INPP4A: variants seen among roughly 807,000 people sequenced by gnomAD.
INPP4A encodes inositol polyphosphate-4-phosphatase type I A.
In INPP4A, 33 loss-of-function variants were observed where a neutral mutation model predicts 119.8. The ratio of observed to expected loss-of-function variants is 0.28; its 90% CI spans 0.21 to 0.37. The LOEUF is 0.37. INPP4A is among the 10% of genes least tolerant of loss of function. INPP4A has a pLI of 1.00. For missense variants in INPP4A, 956 were observed against 1,289.9 expected (o/e 0.74, Z 3.97); for synonymous variants, 496 against 500.7 (o/e 0.99, Z 0.12).
At chr2:98,560,727 T>C (rs146887840) in intron 17 of INPP4A, among the ~76,000 whole-genome samples, 92 of 152,350 alleles carry the variant, frequency 6.0e-4, no homozygotes, top group Non-Finnish European at 1.1e-3. Context: ...CTGAGCTGGC[T>C]GTCGCCTGAG....
At chr2:98,537,144 G>A (rs1405736594) in intron 7 of INPP4A, among the ~76,000 whole-genome samples, 1 of 152,216 alleles carries the variant, frequency 6.6e-6, no homozygotes, top group Non-Finnish European at 1.5e-5. Context: ...TCACAGGCAC[G>A]AGGACAGGGC....
chr2:98,586,643 C>G (rs2106565708), intron 24 of INPP4A, among the ~76,000 whole-genome samples: 1 of 152,342 alleles, frequency 6.6e-6, no homozygotes, highest in Non-Finnish European at 1.5e-5. Flanking sequence ...TGCTCATCCT[C>G]CCATGCAGTG....
chr2:98,537,023 G>A (rs1690418813), intron 7 of INPP4A, among the ~76,000 whole-genome samples: 1 of 152,226 alleles, frequency 6.6e-6, no homozygotes, highest in Non-Finnish European at 1.5e-5. Flanking sequence ...GTTACGTCAT[G>A]TGTCAGAGTT....
rs1195286693 is a variant in INPP4A at position 98,526,070 on chromosome 2, GAATA to G, written c.151+5347_151+5350del. On this transcript the variant is annotated intron_variant, in intron 4 of 24. Coordinates refer to ENST00000409851, the MANE Select transcript of INPP4A (RefSeq NM_001134225.2). ...ACAACCCAAATGTCTATTAACAGTA[GAATA>G]AATAAATTGTACAATGGAATATGAC... Among the ~76,000 whole-genome samples the G allele has an allele frequency of 3.3e-5, 5 of 152,126 alleles. No individual in the cohort carries two copies. The East Asian group carries it at 9.6e-4, about 29-fold the overall frequency.
chr2:98,545,514 G>A lies in INPP4A; in HGVS notation c.950-455G>A, dbSNP rs1028083658. On this transcript the variant is annotated intron_variant, in intron 11 of 24. Coordinates refer to ENST00000409851, the MANE Select transcript of INPP4A (RefSeq NM_001134225.2). ...CTTCATCACTTTCGAGAGTTGAGAT[G>A]TATTGCTCTAGCCAAACCAGATTCT... Among the ~76,000 whole-genome samples the A allele has an allele frequency of 3.9e-5, 6 of 152,198 alleles. No homozygotes were observed. The East Asian group carries it at 1.2e-3, about 29-fold the overall frequency.
At chr2:98,466,711 A>G (rs1674862040) in intron 1 of INPP4A, among the ~76,000 whole-genome samples, 1 of 152,162 alleles carries the variant, frequency 6.6e-6, no homozygotes, top group South Asian at 2.1e-4. Flanking sequence ...CACAGGAGAG[A>G]GAGGAGGGCA....
chr2:98,507,048 C>A (rs762885012), intron 1 of INPP4A, among the ~76,000 whole-genome samples: 7 of 152,232 alleles, frequency 4.6e-5, no homozygotes, highest in Non-Finnish European at 1.0e-4. Flanking sequence ...CTCTGCCCTG[C>A]TTGGCAACTC....
At chr2:98,541,944 C>T (rs1691540641) in intron 10 of INPP4A, among the ~76,000 whole-genome samples, 1 of 152,100 alleles carries the variant, frequency 6.6e-6, no homozygotes, top group Admixed American at 6.6e-5. Context: ...TTTTTAGCAA[C>T]AACCACATGT....
At chr2:98,544,310 A>G (rs576318193) in intron 11 of INPP4A, among the ~76,000 whole-genome samples, 1 of 152,340 alleles carries the variant, frequency 6.6e-6, no homozygotes, top group Admixed American at 6.5e-5. Context: ...AATTTAGGGG[A>G]GGCGAAATCC....
Position 98,546,175 on chromosome 2 carries a change from C to T in INPP4A, c.1054+102C>T. The T allele has an allele frequency of 1.3e-6, 1 of 777,800 alleles. No homozygotes were observed. Among genetic ancestry groups the T allele is most frequent in the East Asian group, 2.7e-5 (1 of 36,872 alleles). The allele number at this position is 777,800 out of a possible 1,614,324, so 48.2% of individuals were successfully genotyped here. On this transcript the variant is annotated intron_variant, in intron 12 of 24. Transcript: ENST00000409851. The surrounding 1 kb of genome is among the most constrained non-coding windows in gnomAD (Gnocchi z 4.2). ...CCACATCTGCCCATTTCCCTGTGTG[C>T]TCTGGGCGGCTCGGAGGAGAGATTT...
At chr2:98,543,328 C>T (rs1691853652) in intron 10 of INPP4A, among the ~76,000 whole-genome samples, 2 of 152,170 alleles carry the variant, frequency 1.3e-5, no homozygotes, top group South Asian at 2.1e-4. Flanking sequence ...TTAGATTCTG[C>T]GGCTCCCCTA....
chr2:98,543,753 C>A, intron 10 of INPP4A, 124 bp from the exon 11 acceptor site: 2 of 1,228,336 alleles, frequency 1.6e-6, no homozygotes, highest in Non-Finnish European at 2.3e-6. Flanking sequence ...TAACCATTGT[C>A]CTGGCCTGCC....
chr2:98,536,702 T>C (rs1690349509), intron 7 of INPP4A, among the ~76,000 whole-genome samples: 1 of 152,226 alleles, frequency 6.6e-6, no homozygotes, highest in Non-Finnish European at 1.5e-5. Flanking sequence ...TTAGGGGCAC[T>C]TCCCACCAAA....
At chr2:98,470,737 G>T (rs978585925) in intron 1 of INPP4A, among the ~76,000 whole-genome samples, 5 of 151,722 alleles carry the variant, frequency 3.3e-5, no homozygotes, top group Non-Finnish European at 7.4e-5. Context: ...GCGCGACCTC[G>T]GCTCACTGCA....
chr2:98,531,680 G>A (rs1170287105), intron 4 of INPP4A, among the ~76,000 whole-genome samples: 9 of 152,218 alleles, frequency 5.9e-5, no homozygotes, highest in African/African-American at 2.2e-4. Flanking sequence ...CAGAGGCCTA[G>A]GCACAATATA....
intron 1 of INPP4A, among the ~76,000 whole-genome samples, chr2:98,485,194 T>C (rs1679293588): frequency 6.6e-6 from 1 of 152,224 alleles, no homozygotes; most frequent in South Asian, 2.1e-4. Context: ...TGCAGGCCCG[T>C]GGCTGCTGAA....
intron 3 of INPP4A, 67 bp from the exon 4 acceptor site, chr2:98,520,620 G>T: frequency 1.1e-6 from 1 of 947,388 alleles, no homozygotes; most frequent in Non-Finnish European, 1.6e-6. Context: ...GGTCATTTGT[G>T]CATTTAATCT....
rs182996857 is a variant in INPP4A at position 98,494,099 on chromosome 2, T to C, written c.-165-24865T>C. Among the ~76,000 whole-genome samples, 660 of 152,296 alleles carry C rather than the reference T, an allele frequency of 4.3e-3. 4 individuals are homozygous for C. The highest frequency in any genetic ancestry group is 7.9e-3 in the Non-Finnish European group (537 of 68,022). On this transcript the variant is annotated intron_variant, in intron 1 of 24. Transcript: ENST00000409851. Reference sequence around the variant, plus strand: ...CAGAACCTGCTCCTTCCTTCTCTTTTCCCATCCGCTGCCCAGCTCAGCATG... The same window carrying C: ...CAGAACCTGCTCCTTCCTTCTCTTTCCCCATCCGCTGCCCAGCTCAGCATG...
chr2:98,473,899 A>G (rs1357766791), intron 1 of INPP4A, among the ~76,000 whole-genome samples: 1 of 152,214 alleles, frequency 6.6e-6, no homozygotes, highest in South Asian at 2.1e-4. Flanking sequence ...ACATAATTAC[A>G]TGCTATGAAG....
Sources: allele counts gnomAD v4.1 joint callset (sites outside exome capture counted in the v4.1 genomes callset), GRCh38; gene constraint gnomAD v4.1.1; non-coding constraint Gnocchi (gnomAD v3.1); transcripts MANE v1.5; gene names NCBI Gene and HGNC (gene_info 2026-07-23, HGNC 2026-07-21).